Variants in ZFPM2 observed in about 807,000 individuals in gnomAD.
ZFPM2 encodes the protein zinc finger protein ZFPM2.
ZFPM2 carries 20 observed loss-of-function variants against 98.6 expected under a neutral mutation model. That is an observed-to-expected ratio of 0.20 (90% CI 0.14 to 0.29). ZFPM2 has a LOEUF of 0.29. Among genes scored for constraint, ZFPM2 ranks in the 10% least tolerant of loss-of-function variants. The pLI is 1.00. For synonymous variants in ZFPM2, 518 were observed against 502.7 expected (o/e 1.03, Z -0.41); for missense variants, 1,310 against 1,388.6 (o/e 0.94, Z 0.90).
chr8:105,666,940 C>G (rs1817500605), intron 5 of ZFPM2, among the ~76,000 whole-genome samples: 1 of 152,134 alleles, frequency 6.6e-6, no homozygotes, highest in East Asian at 1.9e-4. Flanking sequence ...GAAATAACTA[C>G]AAAGTACTTT....
chr8:105,775,396 C>T (rs1327013092), intron 5 of ZFPM2, among the ~76,000 whole-genome samples: 3 of 151,802 alleles, frequency 2.0e-5, no homozygotes, highest in Non-Finnish European at 1.5e-5. Context: ...ACACACAAGT[C>T]GTAATGAAAG....
chr8:105,558,416 G>T (rs1266692891), intron 3 of ZFPM2, among the ~76,000 whole-genome samples: 3 of 152,276 alleles, frequency 2.0e-5, no homozygotes, highest in African/African-American at 4.8e-5. Context: ...AAGTTGAAAA[G>T]ATTGACTTGA....
Position 105,508,799 on chromosome 8 carries a change from AT to A in ZFPM2, c.302-52553del, listed in dbSNP as rs33966531. 2.6e-3 allele frequency among the ~76,000 whole-genome samples: 373 copies of A among 142,934 alleles called. 4 individuals carry two copies. Among genetic ancestry groups the A allele is most frequent in the East Asian group, 0.017 (83 of 4,838 alleles). The allele number at this position is 142,934 out of a possible 152,430, so 93.8% of individuals were successfully genotyped here. The stretch of plus-strand genomic sequence containing the variant: ...CCATCTTTCTGCAGAAAACGTTCAG[AT>A]TTTTTTTTTTCCCCCTCGCATTGTT... On this transcript the variant is annotated intron_variant, in intron 3 of 7. Coordinates refer to ENST00000407775, the MANE Select transcript of ZFPM2 (RefSeq NM_012082.4).
intron 1 of ZFPM2, among the ~76,000 whole-genome samples, chr8:105,413,102 A>G (rs1393166581): frequency 1.3e-5 from 2 of 151,884 alleles, no homozygotes; most frequent in Non-Finnish European, 2.9e-5. Flanking sequence ...AACAGGATAT[A>G]TACGTACAGA....
rs1481466369 is a variant in ZFPM2 at position 105,460,213 on chromosome 8, C to A, written c.301+15832C>A. On this transcript the variant is annotated intron_variant, in intron 3 of 7. Coordinates refer to ENST00000407775, the MANE Select transcript of ZFPM2 (RefSeq NM_012082.4). ...CAGGAAAGGTTTTCAATAGTGACAC[C>A]AAAACATAGCAAGCAAAGCTGGGAC... 3.9e-5 allele frequency among the ~76,000 whole-genome samples: 6 copies of A among 152,210 alleles called. No homozygotes were observed. The East Asian group carries it at 1.2e-3, about 29-fold the overall frequency.
rs142491596 is a variant in ZFPM2 at position 105,765,098 on chromosome 8, G to T, written c.533-23620G>T. Among the ~76,000 whole-genome samples the T allele has an allele frequency of 2.6e-3, 394 of 151,824 alleles. 4 individuals carry two copies. Among genetic ancestry groups the T allele is most frequent in the African/African-American group, 9.1e-3 (376 of 41,492 alleles). On this transcript the variant is annotated intron_variant, in intron 5 of 7. Transcript: ENST00000407775. ...CCCCACTGAACATAGTTGATAACAG[G>T]CTTTATTTTGTTTTTATTTTAGCAT...
intron 5 of ZFPM2, among the ~76,000 whole-genome samples, chr8:105,732,330 C>A (rs931200375): frequency 1.6e-4 from 24 of 151,930 alleles, no homozygotes; most frequent in African/African-American, 5.8e-4. Flanking sequence ...GGAGCCTCAT[C>A]TCCGAAATAC....
intron 2 of ZFPM2, among the ~76,000 whole-genome samples, chr8:105,429,704 A>AAG (rs1811982927): frequency 6.6e-6 from 1 of 151,006 alleles, no homozygotes. Flanking sequence ...GTGATACCAA[A>AAG]AAAAAAAAAA....
chr8:105,562,112 C>T (rs1277510559), intron 4 of ZFPM2, among the ~76,000 whole-genome samples: 1 of 151,832 alleles, frequency 6.6e-6, no homozygotes, highest in Non-Finnish European at 1.5e-5. Context: ...TCGAGACCAG[C>T]TTGGCCAAAC....
intron 3 of ZFPM2, among the ~76,000 whole-genome samples, chr8:105,459,705 C>T (rs1812668139): frequency 6.6e-6 from 1 of 152,080 alleles, no homozygotes; most frequent in Admixed American, 6.6e-5. Flanking sequence ...GTGTGTGTTC[C>T]TCTTCTTACA....
rs200311467 is a variant in ZFPM2 at position 105,801,400 on chromosome 8, A to G, written c.1318A>G (p.Lys440Glu). The G allele has an allele frequency of 6.6e-5, 106 of 1,613,778 alleles. No homozygotes were observed. The highest frequency in any genetic ancestry group is 1.8e-4 in the Admixed American group (11 of 59,962). ...KDASSDTELD[K>E]CEKKTQLFLT... ...TGCGAGCTCTGACACAGAGCTGGACAAGTGTGAGAAAAAGACTCAGCTCTT... is the reference window on the plus strand; with the variant it reads ...TGCGAGCTCTGACACAGAGCTGGACGAGTGTGAGAAAAAGACTCAGCTCTT... The change falls in exon 8 of 8, where the codon AAG (lysine) becomes GAG (glutamate). Residue 440 changes from lysine to glutamate, a missense_variant. By Grantham distance (56) the Lys-to-Glu change is moderately conservative. Coordinates refer to ENST00000407775, the MANE Select transcript of ZFPM2 (RefSeq NM_012082.4).
intron 5 of ZFPM2, among the ~76,000 whole-genome samples, chr8:105,772,194 G>T (rs969182972): frequency 7.9e-5 from 12 of 152,250 alleles, no homozygotes; most frequent in Middle Eastern, 3.4e-3. Flanking sequence ...CTTAAGAATG[G>T]CAAGGGTTGA....
Position 105,677,367 on chromosome 8 carries a change from T to C in ZFPM2, c.532+43010T>C, listed in dbSNP as rs751010555. 1.5e-3 allele frequency among the ~76,000 whole-genome samples: 224 copies of C among 152,236 alleles called. 1 individual carries two copies. The highest frequency in any genetic ancestry group is 2.0e-3 in the Non-Finnish European group (138 of 67,984). On this transcript the variant is annotated intron_variant, in intron 5 of 7. Transcript: ENST00000407775. ...GGAGGTTCAAAGAGGTTTAGTAAATTGCCCAAGGTCACAAGGCAAATGAGG... is the reference window on the plus strand; with the variant it reads ...GGAGGTTCAAAGAGGTTTAGTAAATCGCCCAAGGTCACAAGGCAAATGAGG...
intron 3 of ZFPM2, among the ~76,000 whole-genome samples, chr8:105,472,024 A>AATGC (rs111945912): frequency 3.2e-4 from 48 of 152,302 alleles, no homozygotes; most frequent in African/African-American, 1.1e-3. Flanking sequence ...AGAATCATAA[A>AATGC]ATGCATAAAA....
At chr8:105,705,607 T>G (rs1811238610) in intron 5 of ZFPM2, among the ~76,000 whole-genome samples, 1 of 152,126 alleles carries the variant, frequency 6.6e-6, no homozygotes, top group South Asian at 2.1e-4. Context: ...ATCAAAGTGA[T>G]TAAAGATAAT....
intron 3 of ZFPM2, among the ~76,000 whole-genome samples, chr8:105,546,061 C>T (rs1457668436): frequency 6.6e-6 from 1 of 152,052 alleles, no homozygotes; most frequent in African/African-American, 2.4e-5. Flanking sequence ...GTCTCCATTA[C>T]CTTTGGGGGT....
intron 5 of ZFPM2, among the ~76,000 whole-genome samples, chr8:105,706,420 A>G (rs1194583884): frequency 1.3e-5 from 2 of 152,228 alleles, no homozygotes; most frequent in Non-Finnish European, 2.9e-5. Flanking sequence ...CTTGATTAAA[A>G]TGCTCAAAGG....
chr8:105,702,778 A>G (rs944294323), intron 5 of ZFPM2, among the ~76,000 whole-genome samples: 3 of 152,186 alleles, frequency 2.0e-5, no homozygotes, highest in African/African-American at 2.4e-5. Context: ...GTATTTTGGC[A>G]TTGTGCCTTG....
At chr8:105,630,259 G>C (rs1234572359) in intron 4 of ZFPM2, among the ~76,000 whole-genome samples, 1 of 152,146 alleles carries the variant, frequency 6.6e-6, no homozygotes, top group Non-Finnish European at 1.5e-5. Context: ...TGAACCTAAT[G>C]ATCAATGTGG....
Sources: gnomAD v4.1 joint callset for allele counts (sites outside exome capture counted in the v4.1 genomes callset) on GRCh38, gnomAD v4.1.1 for gene constraint, MANE v1.5 for transcripts, NCBI Gene and HGNC (gene_info 2026-07-23, HGNC 2026-07-21) for gene names.